The following PIK3C2B variants were observed in gnomAD, a reference collection of about 807,000 sequenced individuals.
PIK3C2B encodes phosphatidylinositol-4-phosphate 3-kinase catalytic subunit type 2 beta.
PIK3C2B carries 83 observed loss-of-function variants against 184.3 expected under a neutral mutation model. That is an observed-to-expected ratio of 0.45 (90% CI 0.38 to 0.54). The LOEUF is 0.54. Among genes scored for constraint, PIK3C2B ranks in the 20% least tolerant of loss-of-function variants. The pLI, the probability that PIK3C2B is intolerant of heterozygous loss-of-function variation, is 0.00. For synonymous variants in PIK3C2B, 779 were observed against 837.6 expected (o/e 0.93, Z 1.21); for missense variants, 1,736 against 2,113.5 (o/e 0.82, Z 3.50).
chr1:204,459,205 TGG>T (rs1655117944), intron 8 of PIK3C2B, among the ~76,000 whole-genome samples: 1 of 152,078 alleles, frequency 6.6e-6, no homozygotes, highest in Non-Finnish European at 1.5e-5. Context: ...TTTGTAGAGA[TGG>T]GGTCTTGCTG....
chr1:204,449,781 C>G (rs1654191558), intron 13 of PIK3C2B, 69 bp downstream of exon 13: 3 of 1,422,580 alleles, frequency 2.1e-6, no homozygotes, highest in Non-Finnish European at 2.8e-6. Context: ...AGTGCAGCAG[C>G]CAGGCCCCTT....
At position 204,466,453 on chromosome 1, in the gene PIK3C2B, G is replaced by A. The variant is rs75244621; in HGVS notation, c.934-1134C>T. On this transcript the variant is annotated intron_variant, in intron 2 of 32. Transcript: ENST00000684373. ...TCCTCTGGTTGACCCTCTCTTGTTA[G>A]GCTTGCTCCCCTGGGTGTGCATGGG... Among the ~76,000 whole-genome samples the A allele has an allele frequency of 7.6e-3, 1,140 of 149,858 alleles. 15 individuals are homozygous for A. Among genetic ancestry groups the A allele is most frequent in the African/African-American group, 0.027 (1,067 of 39,852 alleles).
chr1:204,460,679 C>G lies in PIK3C2B; in HGVS notation c.1311-18G>C, dbSNP rs1655260104. On this transcript the variant is annotated intron_variant, in intron 5 of 32. Transcript: ENST00000684373. Reference sequence around the variant, plus strand: ...CATGCTTGCTGGTAGGGTAGAGGGACAAGACCATTAGCATCCTGGGGACTC... The same window carrying G: ...CATGCTTGCTGGTAGGGTAGAGGGAGAAGACCATTAGCATCCTGGGGACTC... 1.3e-6 allele frequency: 2 copies of G among 1,498,984 alleles called. No homozygotes were observed. Among genetic ancestry groups the G allele is most frequent in the Admixed American group, 1.7e-5 (1 of 59,832 alleles). 92.9% of individuals were successfully genotyped at this position (1,498,984 alleles called of 1,614,324 possible).
intron 1 of PIK3C2B, among the ~76,000 whole-genome samples, chr1:204,491,186 G>A (rs186965423): frequency 2.3e-3 from 351 of 152,122 alleles, no homozygotes; most frequent in Non-Finnish European, 4.3e-3. Flanking sequence ...TCAGGAGTTC[G>A]AGACCAGCCT....
rs761804972 is a variant in PIK3C2B at position 204,468,865 on chromosome 1, C to T, written c.933+5G>A. ...AAGGCAGAAGAAACACAAGAAGGTC[C>T]TCACCGGGGCTGCAGAAATCCGGCG... is the stretch of plus-strand genomic sequence containing the variant. On this transcript the variant is annotated splice_donor_5th_base_variant and intron_variant, in intron 2 of 32. Coordinates refer to ENST00000684373, the MANE Select transcript of PIK3C2B (RefSeq NM_001377334.1). 1 of 1,568,060 alleles carries T rather than the reference C, an allele frequency of 6.4e-7. No homozygotes were observed. The highest frequency in any genetic ancestry group is 1.2e-5 in the South Asian group (1 of 82,712).
At chr1:204,475,685 G>T (rs1656655216) in intron 1 of PIK3C2B, among the ~76,000 whole-genome samples, 1 of 152,128 alleles carries the variant, frequency 6.6e-6, no homozygotes, top group South Asian at 2.1e-4. Context: ...TGATTCCTTA[G>T]GTCAAATCTC....
At position 204,447,166 on chromosome 1, in the gene PIK3C2B, G is replaced by A. The variant is rs1653948895; in HGVS notation, c.2489+270C>T. Among the ~76,000 whole-genome samples the A allele has an allele frequency of 6.6e-6, 1 of 152,144 alleles. No individual in the cohort carries two copies. The highest frequency in any genetic ancestry group is 1.5e-5 in the Non-Finnish European group (1 of 68,028). ...GTAGTAGATAGCACATCTGGGATGTGGGGCAGAGCTCTGGTCCTCCTGGGT... is the reference window on the plus strand; with the variant it reads ...GTAGTAGATAGCACATCTGGGATGTAGGGCAGAGCTCTGGTCCTCCTGGGT... On this transcript the variant is annotated intron_variant, in intron 15 of 32. Transcript: ENST00000684373. The surrounding 1 kb of genome is among the most constrained non-coding windows in gnomAD (Gnocchi z 4.1).
intron 1 of PIK3C2B, among the ~76,000 whole-genome samples, chr1:204,492,381 T>C (rs113479182): frequency 3.3e-4 from 50 of 152,320 alleles, no homozygotes; most frequent in Non-Finnish European, 6.2e-4. Context: ...CTTCACATTA[T>C]GATGTCCAAG....
At position 204,443,579 on chromosome 1, in the gene PIK3C2B, G is replaced by T. The variant is rs753989126; in HGVS notation, c.2886C>A (p.Leu962=). 1 of 1,614,182 alleles carries T rather than the reference G, an allele frequency of 6.2e-7. No individual in the cohort carries two copies. Among genetic ancestry groups the T allele is most frequent in the Non-Finnish European group, 8.5e-7 (1 of 1,180,006 alleles). The change falls in exon 19 of 33, where the codon CTC becomes CTA. Residue 962 remains leucine (L), a synonymous_variant. Transcript: ENST00000684373. ...HYFFWLLKDG[L]KDSQFSIRYQ... Reference sequence around the variant, plus strand: ...AGCGGATGCTGAACTGAGAGTCCTTGAGGCCGTCCTTCAGTAACCTGCAAG... The same window carrying T: ...AGCGGATGCTGAACTGAGAGTCCTTTAGGCCGTCCTTCAGTAACCTGCAAG...
At chr1:204,441,088 AG>A (rs746847199) in intron 21 of PIK3C2B, among the ~76,000 whole-genome samples, 1 of 152,208 alleles carries the variant, frequency 6.6e-6, no homozygotes, top group South Asian at 2.1e-4. Context: ...AAGGGACCTT[AG>A]GGTTCATCTA....
At chr1:204,485,727 G>A (rs1251339270) in intron 1 of PIK3C2B, among the ~76,000 whole-genome samples, 3 of 151,936 alleles carry the variant, frequency 2.0e-5, no homozygotes, top group Admixed American at 1.3e-4. Context: ...AGACGTGGTC[G>A]CCACCACAAC....
intron 2 of PIK3C2B, chr1:204,467,046 T>A (rs1419003310): frequency 2.2e-6 from 1 of 447,590 alleles, no homozygotes; most frequent in East Asian, 5.7e-5. Context: ...ATTTCCCCAC[T>A]CAGAACTGGC....
rs1246206905 is a variant in PIK3C2B, at chr1:204,440,313, G to A, written c.3258C>T (p.Asp1086=). 31 of 1,593,714 alleles carry A rather than the reference G, an allele frequency of 1.9e-5. No individual in the cohort carries two copies. Among genetic ancestry groups the A allele is most frequent in the South Asian group, 6.8e-5 (6 of 88,180 alleles). Residue 1086 remains aspartate, a synonymous_variant, in exon 22 of 33, where the codon GAC becomes GAT. Coordinates refer to ENST00000684373, the MANE Select transcript of PIK3C2B (RefSeq NM_001377334.1). Reference sequence around the variant, plus strand: ...GCGTTAGCATGTCCTGGCGAAGGTCGTCCCCACACTGGATGGAGGGAGAAA... The same window carrying A: ...GCGTTAGCATGTCCTGGCGAAGGTCATCCCCACACTGGATGGAGGGAGAAA... ...ENIRVIFKCG[D]DLRQDMLTLQ...
chr1:204,427,709 T>C lies in PIK3C2B; in HGVS notation c.4526A>G (p.Lys1509Arg). ...ATTGTTTTTGTAGGAGATGGACAGC[T>C]TCACCTCCCCTCCCACCTTTCCGAC... ...RPVGKVGGEV[K>R]LSISYKNNKL... Residue 1509 changes from lysine to arginine, a missense_variant, in exon 31 of 33, where the codon AAG becomes AGG. Physicochemically the swap from Lys to Arg is conservative, Grantham distance 26. Around this residue, in one of 8 missense-constraint regions of PIK3C2B, gnomAD observed 95 missense variants for 164.2 expected, o/e 0.58. Transcript: ENST00000684373. 1 of 1,614,122 alleles carries C rather than the reference T, an allele frequency of 6.2e-7. No homozygotes were observed. The highest frequency in any genetic ancestry group is 8.5e-7 in the Non-Finnish European group (1 of 1,179,990).
intron 23 of PIK3C2B, among the ~76,000 whole-genome samples, chr1:204,437,807 A>G (rs1455031521): frequency 1.3e-5 from 2 of 152,228 alleles, no homozygotes; most frequent in Non-Finnish European, 2.9e-5. Context: ...AAGGAGAGAC[A>G]GCAGGCTCAG....
chr1:204,440,168 C>T (rs1291604660), intron 22 of PIK3C2B, 24 bp downstream of exon 22: 1 of 1,604,330 alleles, frequency 6.2e-7, no homozygotes. Flanking sequence ...CCCTCCTCCA[C>T]CCTCACCCCT....
In PIK3C2B at chr1:204,433,715, T is replaced by G. The variant is rs1231711588; in HGVS notation, c.3843+78A>C. ...GAGAGGTAAATCTCTAGAAATCCTC[T>G]GCGGCAAGACAGGGAAGTCTTAAAG... On this transcript the variant is annotated intron_variant, in intron 25 of 32. Transcript: ENST00000684373. This position sits in a 1 kb window ranked among gnomAD's most constrained non-coding sequence, Gnocchi z 5.0. The G allele has an allele frequency of 7.3e-7, 1 of 1,374,734 alleles. No individual in the cohort carries two copies. Among genetic ancestry groups the G allele is most frequent in the African/African-American group, 1.4e-5 (1 of 69,860 alleles). The allele number at this position is 1,374,734 out of a possible 1,614,324, so 85.2% of individuals were successfully genotyped here. A position where few individuals can be genotyped will look rare whatever the true frequency, so the allele number is the denominator to read the frequency against.
At position 204,439,090 on chromosome 1, in the gene PIK3C2B, G is replaced by C; in HGVS notation, c.3380-19C>G. The C allele has an allele frequency of 6.2e-7, 1 of 1,611,888 alleles. No homozygotes were observed. Among genetic ancestry groups the C allele is most frequent in the Non-Finnish European group, 8.5e-7 (1 of 1,179,118 alleles). On this transcript the variant is annotated intron_variant, in intron 22 of 32. Coordinates refer to ENST00000684373, the MANE Select transcript of PIK3C2B (RefSeq NM_001377334.1). The stretch of plus-strand genomic sequence containing the variant: ...ACCATCCCTGTGAGGGGAGAAATGG[G>C]GGTCACGTTCCAGACCAGAATGAAG...
In PIK3C2B at chr1:204,433,664, G is replaced by T; in HGVS notation, c.3843+129C>A. 1.1e-6 allele frequency: 1 copy of T among 916,854 alleles called. No homozygotes were observed. The highest frequency in any genetic ancestry group is 1.7e-6 in the Non-Finnish European group (1 of 577,372). 56.8% of individuals were successfully genotyped at this position (916,854 alleles called of 1,614,324 possible). ...GTCTGGGTCCCTGCCTTTATCTAGGGCAGGCAGGTATTCAGTTGGGGCTCA... is the reference window on the plus strand; with the variant it reads ...GTCTGGGTCCCTGCCTTTATCTAGGTCAGGCAGGTATTCAGTTGGGGCTCA... On this transcript the variant is annotated intron_variant, in intron 25 of 32. Coordinates refer to ENST00000684373, the MANE Select transcript of PIK3C2B (RefSeq NM_001377334.1). The surrounding 1 kb of genome is among the most constrained non-coding windows in gnomAD (Gnocchi z 5.0).
Sources: gnomAD v4.1 joint callset for allele counts (sites outside exome capture counted in the v4.1 genomes callset) on GRCh38, gnomAD v4.1.1 for gene constraint, gnomAD v4.1.1 regional missense constraint, Gnocchi (gnomAD v3.1) non-coding constraint, MANE v1.5 for transcripts, NCBI Gene and HGNC (gene_info 2026-07-23, HGNC 2026-07-21) for gene names.